Variants in ADGRL3 observed in about 807,000 individuals in gnomAD.
The protein encoded by ADGRL3 is adhesion G protein-coupled receptor L3.
Under a neutral mutation model 153.5 loss-of-function variants are expected in ADGRL3, and 62 were observed. The observed-to-expected ratio is 0.40, with a 90% CI of 0.33 to 0.50. The LOEUF is 0.50. Ranked by LOEUF, ADGRL3 falls within the 20% of genes least tolerant of loss-of-function variation. The pLI is 0.47. For missense variants in ADGRL3, 1,641 were observed against 1,859.4 expected, an observed-to-expected ratio of 0.88 and a Z score of 2.16; for synonymous variants, 710 against 672.5, an observed-to-expected ratio of 1.06 and a Z score of -0.86.
At chr4:61,386,544 T>C (rs1248623181) in intron 2 of ADGRL3, among the ~76,000 whole-genome samples, 1 of 152,172 alleles carries the variant, frequency 6.6e-6, no homozygotes, top group African/African-American at 2.4e-5. Context: ...AATCTAGCAA[T>C]TTACAAATTT....
At chr4:61,473,004 A>G (rs2097983368) in intron 2 of ADGRL3, among the ~76,000 whole-genome samples, 1 of 152,150 alleles carries the variant, frequency 6.6e-6, no homozygotes. Flanking sequence ...CAAATAAATT[A>G]AGTAAATTGA....
intron 2 of ADGRL3, among the ~76,000 whole-genome samples, chr4:61,416,639 G>T (rs2097147887): frequency 1.3e-5 from 2 of 152,010 alleles, no homozygotes; most frequent in South Asian, 4.1e-4. Flanking sequence ...GGATTTTTTT[G>T]TTGTTGTTGA....
At chr4:61,424,396 G>C (rs981826792) in intron 2 of ADGRL3, among the ~76,000 whole-genome samples, 1 of 152,058 alleles carries the variant, frequency 6.6e-6, no homozygotes, top group African/African-American at 2.4e-5. Flanking sequence ...CCCACACGGT[G>C]GCACCCTGGA....
chr4:61,455,913 T>C (rs888890074), intron 2 of ADGRL3, among the ~76,000 whole-genome samples: 1 of 152,114 alleles, frequency 6.6e-6, no homozygotes, highest in African/African-American at 2.4e-5. Flanking sequence ...CCTCCTGGGT[T>C]CAAGTGATTC....
chr4:61,944,941 A>G (rs1214288884), intron 15 of ADGRL3, among the ~76,000 whole-genome samples: 2 of 88,104 alleles, frequency 2.3e-5, no homozygotes, highest in African/African-American at 1.0e-4. Context: ...CAGCTCGTCA[A>G]AATCATTCTC....
At chr4:61,920,538 T>C (rs1304432442) in intron 13 of ADGRL3, among the ~76,000 whole-genome samples, 1 of 152,218 alleles carries the variant, frequency 6.6e-6, no homozygotes, top group Non-Finnish European at 1.5e-5. Flanking sequence ...AAGTTAGCTA[T>C]GGTAGCTTAA....
chr4:61,806,814 T>TATA (rs1337709595), intron 8 of ADGRL3, among the ~76,000 whole-genome samples: 2 of 152,108 alleles, frequency 1.3e-5, no homozygotes, highest in African/African-American at 4.8e-5. Flanking sequence ...TCAAAAGTAC[T>TATA]ATATAATACG....
intron 21 of ADGRL3, among the ~76,000 whole-genome samples, chr4:62,024,379 TTTTA>T (rs1204311953): frequency 6.6e-6 from 1 of 152,166 alleles, no homozygotes; most frequent in Admixed American, 6.5e-5. Flanking sequence ...AAACCATTTA[TTTTA>T]TTTATTTGGT....
intron 8 of ADGRL3, among the ~76,000 whole-genome samples, chr4:61,743,918 A>G (rs1300659464): frequency 6.6e-6 from 1 of 152,188 alleles, no homozygotes; most frequent in Non-Finnish European, 1.5e-5. Flanking sequence ...GCATTGCCTC[A>G]CTCGGGAAGT....
chr4:61,751,935 T>C (rs2096762307), intron 8 of ADGRL3, among the ~76,000 whole-genome samples: 1 of 152,126 alleles, frequency 6.6e-6, no homozygotes, highest in African/African-American at 2.4e-5. Context: ...ATGGATGGGC[T>C]CACTTTCTTC....
At chr4:61,526,131 T>C (rs1387515484) in intron 4 of ADGRL3, among the ~76,000 whole-genome samples, 1 of 152,134 alleles carries the variant, frequency 6.6e-6, no homozygotes, top group Non-Finnish European at 1.5e-5. Context: ...TCCATACTTT[T>C]CTTACGCTTC....
intron 4 of ADGRL3, among the ~76,000 whole-genome samples, chr4:61,577,006 G>A (rs562622400): frequency 6.6e-6 from 1 of 152,090 alleles, no homozygotes; most frequent in Admixed American, 6.6e-5. Context: ...TATTACCAAA[G>A]AAGTTATTAC....
At chr4:61,783,461 G>A (rs953185982) in intron 8 of ADGRL3, among the ~76,000 whole-genome samples, 3 of 152,068 alleles carry the variant, frequency 2.0e-5, no homozygotes, top group African/African-American at 7.2e-5. Context: ...AAAGCCAATA[G>A]AAGTTAGATT....
At chr4:61,631,032 A>C (rs780135805) in intron 5 of ADGRL3, among the ~76,000 whole-genome samples, 5 of 152,166 alleles carry the variant, frequency 3.3e-5, no homozygotes, top group Non-Finnish European at 5.9e-5. Flanking sequence ...TTGTGTTGGT[A>C]ATTCTATTAT....
At chr4:62,014,925 C>T (rs2099204614) in intron 21 of ADGRL3, among the ~76,000 whole-genome samples, 1 of 152,138 alleles carries the variant, frequency 6.6e-6, no homozygotes, top group South Asian at 2.1e-4. Context: ...CAGATTTCAG[C>T]TTTTCTCATT....
chr4:61,492,550 T>C (rs2098269709), intron 2 of ADGRL3, among the ~76,000 whole-genome samples: 1 of 152,056 alleles, frequency 6.6e-6, no homozygotes, highest in Non-Finnish European at 1.5e-5. Context: ...ATTTTTAGCA[T>C]GATTTGAAAA....
chr4:61,264,799 A>G (rs1278503480), intron 1 of ADGRL3, among the ~76,000 whole-genome samples: 3 of 151,900 alleles, frequency 2.0e-5, no homozygotes, highest in Non-Finnish European at 4.4e-5. Context: ...AGTGGGAGGG[A>G]AAAAGAGATG....
intron 8 of ADGRL3, among the ~76,000 whole-genome samples, chr4:61,758,949 G>A (rs2096874006): frequency 6.6e-6 from 1 of 152,094 alleles, no homozygotes. Context: ...AGCTTAGTTT[G>A]GCTGGATATG....
At chr4:61,683,114 A>ATTTTTTT (rs34187412) in intron 6 of ADGRL3, among the ~76,000 whole-genome samples, 1 of 141,112 alleles carries the variant, frequency 7.1e-6, no homozygotes, top group African/African-American at 2.6e-5. Flanking sequence ...CAAGAGCTGT[A>ATTTTTTT]TTTTTTTTTT....
Sources: allele counts gnomAD v4.1 joint callset (sites outside exome capture counted in the v4.1 genomes callset), GRCh38; gene constraint gnomAD v4.1.1; transcripts MANE v1.5; gene names NCBI Gene and HGNC (gene_info 2026-07-23, HGNC 2026-07-21).